The following KTN1 variants were observed in gnomAD, a reference collection of about 807,000 sequenced individuals.
The protein encoded by KTN1 is kinectin.
Under a neutral mutation model 222.5 loss-of-function variants are expected in KTN1, and 130 were observed. The observed-to-expected ratio is 0.58, with a 90% confidence interval of 0.51 to 0.68. The LOEUF is 0.68. Ranked by LOEUF, KTN1 falls within the 30% of genes least tolerant of loss-of-function variation. KTN1 has a pLI of 0.00. For synonymous variants in KTN1, 512 were observed against 496.3 expected (o/e 1.03, Z -0.42); for missense variants, 1,508 against 1,500.4 (o/e 1.01, Z -0.08).
At position 55,640,030 on chromosome 14, in the gene KTN1, A is replaced by G. The variant is rs886992070; in HGVS notation, c.1914+27A>G. 5 of 1,298,992 alleles carry G rather than the reference A, an allele frequency of 3.8e-6. No individual in the cohort carries two copies. The African/African-American group carries it at 7.3e-5, about 19-fold the overall frequency. 80.5% of individuals were successfully genotyped at this position (1,298,992 alleles called of 1,614,324 possible). ...TATAGTAATTTGTATAAATGGCTGCAATATTTTACAGAACTGAAATTTAAA... is the reference window on the plus strand; with the variant it reads ...TATAGTAATTTGTATAAATGGCTGCGATATTTTACAGAACTGAAATTTAAA... On this transcript the variant is annotated intron_variant, in intron 14 of 43. Transcript: ENST00000395314.
At chr14:55,598,659 A>G (rs1382530622) in intron 1 of KTN1, among the ~76,000 whole-genome samples, 4 of 152,186 alleles carry the variant, frequency 2.6e-5, no homozygotes, top group Non-Finnish European at 5.9e-5. Flanking sequence ...AGCAGGGTCT[A>G]GAATTCTGTG....
At chr14:55,672,872 G>A in intron 38 of KTN1, 57 bp from the exon 39 acceptor site, 2 of 1,391,536 alleles carry the variant, frequency 1.4e-6, no homozygotes, top group South Asian at 2.3e-5. Flanking sequence ...GTCTTGTGGG[G>A]AAATATTATG....
rs2041514535 is a variant in KTN1 at position 55,639,356 on chromosome 14, C to G, written c.1823+134C>G. The G allele has an allele frequency of 2.4e-5, 10 of 420,004 alleles. No individual in the cohort carries two copies. In the South Asian group the frequency reaches 6.0e-4, roughly 25 times the overall value. The allele number at this position is 420,004 out of a possible 1,614,324, so 26.0% of individuals were successfully genotyped here. A position where few individuals can be genotyped will look rare whatever the true frequency, so the allele number is the denominator to read the frequency against. On this transcript the variant is annotated intron_variant, in intron 13 of 43. Coordinates refer to ENST00000395314, the MANE Select transcript of KTN1 (RefSeq NM_001079521.2). ...ATACTCTGAACTAGATTTGGAGCAA[C>G]TTTTGCTTTTTTTTTTTTTTTTTCC...
intron 18 of KTN1, among the ~76,000 whole-genome samples, chr14:55,646,474 CCTTT>C (rs1566788424): frequency 0.11 from 6,819 of 62,458 alleles, 607 homozygotes; most frequent in South Asian, 0.13. Flanking sequence ...CCTTTCCTTT[CCTTT>C]CCTTTCCTTT....
At chr14:55,580,786 G>A (rs1189818957) in intron 1 of KTN1, among the ~76,000 whole-genome samples, 1 of 152,194 alleles carries the variant, frequency 6.6e-6, no homozygotes, top group Non-Finnish European at 1.5e-5. Flanking sequence ...CTCCTCGGCC[G>A]GTGGACGGAG....
intron 1 of KTN1, among the ~76,000 whole-genome samples, chr14:55,609,578 G>C (rs1002123617): frequency 2.6e-5 from 4 of 152,198 alleles, no homozygotes; most frequent in Non-Finnish European, 5.9e-5. Flanking sequence ...CAGAATTCTT[G>C]TGGTCTCATA....
chr14:55,679,413 C>G (rs574944095), intron 42 of KTN1, 152 bp from the exon 43 acceptor site: 1 of 637,400 alleles, frequency 1.6e-6, no homozygotes, highest in African/African-American at 1.9e-5. Context: ...CAGTATTTCT[C>G]TATGTGGTTT....
chr14:55,684,285 G>A lies in KTN1; in HGVS notation c.*182G>A. 1 of 448,680 alleles carries A rather than the reference G, an allele frequency of 2.2e-6. No homozygotes were observed. 27.8% of individuals were successfully genotyped at this position (448,680 alleles called of 1,614,324 possible). A position where few individuals can be genotyped will look rare whatever the true frequency, so the allele number is the denominator to read the frequency against. ...AGGAAAAAAAAAAGCCAACTCTGTA[G>A]ACACCTTCAGAGTTTAGTTTTATAA... is the stretch of plus-strand genomic sequence containing the variant. On this transcript the variant is annotated 3_prime_UTR_variant, in exon 44 of 44. Coordinates refer to ENST00000395314, the MANE Select transcript of KTN1 (RefSeq NM_001079521.2).
chr14:55,617,122 T>G (rs762278845), intron 3 of KTN1, among the ~76,000 whole-genome samples: 3 of 152,184 alleles, frequency 2.0e-5, no homozygotes, highest in Non-Finnish European at 2.9e-5. Context: ...GTTCACAGTT[T>G]TCCAGGGAAA....
At chr14:55,640,713 AGG>A (rs2140999718) in intron 15 of KTN1, among the ~76,000 whole-genome samples, 1 of 152,134 alleles carries the variant, frequency 6.6e-6, no homozygotes, top group Non-Finnish European at 1.5e-5. Context: ...TAATTCAAAA[AGG>A]ATATACCTTT....
At chr14:55,625,895 A>G (rs567844695) in intron 5 of KTN1, among the ~76,000 whole-genome samples, 1 of 152,276 alleles carries the variant, frequency 6.6e-6, no homozygotes, top group South Asian at 2.1e-4. Context: ...CACTCTCACA[A>G]TAAAACATTC....
rs762162105 is a variant in KTN1 at position 55,637,344 on chromosome 14, T to A, written c.1696T>A (p.Ser566Thr). Residue 566 changes from serine to threonine, a missense_variant, in exon 11 of 44, where the codon TCT becomes ACT. Coordinates refer to ENST00000395314, the MANE Select transcript of KTN1 (RefSeq NM_001079521.2). ...GCAGAAAAGGGTGAACAAAGAAGAG[T>A]CTCTACAAATGCAGGTTCAGGTATT... ...SEQKRVNKEE[S>T]LQMQVQDILE... The A allele has an allele frequency of 6.4e-7, 1 of 1,573,578 alleles. No homozygotes were observed. The highest frequency in any genetic ancestry group is 1.9e-5 in the Admixed American group (1 of 52,590).
At position 55,646,458 on chromosome 14, in the gene KTN1, CCTTTTCCTTTCCTTTCCTTTCCTTT is replaced by C. The variant is rs2042309534; in HGVS notation, c.2173-513_2173-489del. On this transcript the variant is annotated intron_variant, in intron 18 of 43. Coordinates refer to ENST00000395314, the MANE Select transcript of KTN1 (RefSeq NM_001079521.2). Reference sequence around the variant, plus strand: ...TTCCTTTCCTTTTCCTTTTCCTTTTCCTTTTCCTTTCCTTTCCTTTCCTTTCCTTTCCTTTCCTTTCCTTTCCTTT... The same window carrying C: ...TTCCTTTCCTTTTCCTTTTCCTTTTCCCTTTCCTTTCCTTTCCTTTCCTTT... Among the ~76,000 whole-genome samples, 3 of 60,486 alleles carry C rather than the reference CCTTTTCCTTTCCTTTCCTTTCCTTT, an allele frequency of 5.0e-5. 1 individual carries two copies. The highest frequency in any genetic ancestry group is 1.6e-3 in the South Asian group (2 of 1,282). The allele number at this position is 60,486 out of a possible 152,430, so 39.7% of individuals were successfully genotyped here.
At chr14:55,659,608 AT>A in intron 30 of KTN1, 57 bp from the exon 31 acceptor site, 1 of 1,005,546 alleles carries the variant, frequency 9.9e-7, no homozygotes, top group Non-Finnish European at 1.6e-6. Flanking sequence ...AAAAGCTTCA[AT>A]GTTTTTAAGT....
chr14:55,676,574 T>C (rs2045906131), intron 41 of KTN1, among the ~76,000 whole-genome samples: 1 of 152,180 alleles, frequency 6.6e-6, no homozygotes, highest in Non-Finnish European at 1.5e-5. Context: ...TAAATTTTGA[T>C]AGTATAAAAT....
At chr14:55,634,192 A>G (rs1373574615) in intron 8 of KTN1, among the ~76,000 whole-genome samples, 2 of 152,152 alleles carry the variant, frequency 1.3e-5, no homozygotes, top group African/African-American at 2.4e-5. Flanking sequence ...ACTTTGAGAA[A>G]TAGTACCTTA....
chr14:55,611,418 C>G (rs887299927), intron 1 of KTN1, among the ~76,000 whole-genome samples: 1 of 151,962 alleles, frequency 6.6e-6, no homozygotes, highest in Non-Finnish European at 1.5e-5. Context: ...TATTTTAATG[C>G]AAAATGCCAC....
At chr14:55,622,886 C>T (rs951957241) in intron 5 of KTN1, among the ~76,000 whole-genome samples, 1 of 152,174 alleles carries the variant, frequency 6.6e-6, no homozygotes, top group African/African-American at 2.4e-5. Flanking sequence ...CTATGTCCTG[C>T]CTCTCTCTGC....
At chr14:55,594,057 A>G (rs1437364588) in intron 1 of KTN1, among the ~76,000 whole-genome samples, 1 of 152,066 alleles carries the variant, frequency 6.6e-6, no homozygotes, top group Non-Finnish European at 1.5e-5. Flanking sequence ...TGTTTATCTT[A>G]GTTTTGAGTT....
Sources: gnomAD v4.1 joint callset for allele counts (sites outside exome capture counted in the v4.1 genomes callset) on GRCh38, gnomAD v4.1.1 for gene constraint, MANE v1.5 for transcripts, NCBI Gene and HGNC (gene_info 2026-07-23, HGNC 2026-07-21) for gene names.